CPED1: variants seen among roughly 807,000 people sequenced by gnomAD.
The protein encoded by CPED1 is cadherin-like and PC-esterase domain-containing protein 1.
A neutral mutation model predicts 128.2 loss-of-function variants in CPED1; 114 were observed. The ratio of observed to expected loss-of-function variants is 0.89; its 90% confidence interval spans 0.76 to 1.04. The LOEUF (loss-of-function observed/expected upper bound fraction) is 1.04, where lower values mean the gene tolerates loss of function less well. Among genes scored for constraint, CPED1 ranks in the 50% least tolerant of loss-of-function variants. The probability of loss-of-function intolerance (pLI) is 0.00; values close to 1 mark genes in which losing one functional copy is unlikely to be tolerated. For missense variants in CPED1, 1,211 were observed against 1,207.1 expected (o/e 1.00, Z -0.05); for synonymous variants, 462 against 426.7 (o/e 1.08, Z -1.02).
At position 121,015,733 on chromosome 7, in the gene CPED1, C is replaced by G. The variant is rs779741816; in HGVS notation, c.318C>G (p.Phe106Leu). ...GGGCCATACTCTACAGGCCTCCTTT[C>G]TACAGCAAAACAGAGCTTCAGCTAC... ...GRRAILYRPP[F>L]YSKTELQLHQ... The change falls in exon 3 of 23, where the codon TTC (phenylalanine) becomes TTG (leucine). Residue 106 changes from phenylalanine to leucine, a missense_variant. Phe to Leu is a conservative substitution (Grantham distance 22, BLOSUM62 0). Transcript: ENST00000310396. The G allele has an allele frequency of 2.2e-5, 36 of 1,611,888 alleles. No individual in the cohort carries two copies. The South Asian group carries it at 3.3e-4, about 15-fold the overall frequency.
chr7:121,143,507 C>G (rs1165210726), intron 16 of CPED1, among the ~76,000 whole-genome samples: 3 of 151,902 alleles, frequency 2.0e-5, no homozygotes. Flanking sequence ...TAGGTTTTGA[C>G]CTTTCAATTT....
In CPED1 at chr7:121,244,335, G is replaced by C. The variant is rs760961664; in HGVS notation, c.2307G>C (p.Arg769Ser). 4 of 1,614,120 alleles carry C rather than the reference G, an allele frequency of 2.5e-6. No individual in the cohort carries two copies. Among genetic ancestry groups the C allele is most frequent in the African/African-American group, 1.3e-5 (1 of 75,050 alleles). Residue 769 changes from arginine (R) to serine (S), a missense_variant, in exon 18 of 23, where the codon AGG becomes AGC. Physicochemically the swap from Arg to Ser is moderately radical, Grantham distance 110 (BLOSUM62 -1). Coordinates refer to ENST00000310396, the MANE Select transcript of CPED1 (RefSeq NM_024913.5). Reference sequence around the variant, plus strand: ...AACTCCAGCAGTGCCTGGGAGGAAGGAAGGTAGGTTCTGGATCTAGTGGGG... The same window carrying C: ...AACTCCAGCAGTGCCTGGGAGGAAGCAAGGTAGGTTCTGGATCTAGTGGGG... Reference protein sequence around the residue: ...KPQLQQCLGGRKILFIGDSTN... With the variant: ...KPQLQQCLGGSKILFIGDSTN...
intron 3 of CPED1, among the ~76,000 whole-genome samples, chr7:121,036,479 C>T (rs1792891147): frequency 6.9e-6 from 1 of 144,194 alleles, no homozygotes. Flanking sequence ...GGTAGTATTC[C>T]ATGGTGTGTG....
intron 16 of CPED1, among the ~76,000 whole-genome samples, chr7:121,215,916 G>A (rs978920485): frequency 6.6e-6 from 1 of 151,672 alleles, no homozygotes; most frequent in African/African-American, 2.4e-5. Context: ...GACAGTAATG[G>A]CAATAATAAT....
intron 5 of CPED1, among the ~76,000 whole-genome samples, chr7:121,088,811 C>T (rs1165141098): frequency 2.2e-5 from 2 of 92,382 alleles, no homozygotes; most frequent in Non-Finnish European, 4.6e-5. Context: ...GTAATAATCT[C>T]ATTAACATCT....
chr7:121,032,836 T>C (rs1362411922), intron 3 of CPED1, among the ~76,000 whole-genome samples: 1 of 152,188 alleles, frequency 6.6e-6, no homozygotes, highest in African/African-American at 2.4e-5. Flanking sequence ...GACAGAATTA[T>C]TAGCCTTAGG....
chr7:121,077,951 G>A (rs1047525117), intron 5 of CPED1, among the ~76,000 whole-genome samples: 1 of 151,716 alleles, frequency 6.6e-6, no homozygotes, highest in African/African-American at 2.4e-5. Context: ...TACCTTGCTC[G>A]GTTAGTTTTT....
intron 2 of CPED1, among the ~76,000 whole-genome samples, chr7:121,007,537 T>TA (rs1210152316): frequency 1.3e-5 from 2 of 152,170 alleles, no homozygotes; most frequent in African/African-American, 4.8e-5. Flanking sequence ...ACTAAGGCAT[T>TA]ACAGCATTTA....
At chr7:121,213,076 G>T (rs1797682257) in intron 16 of CPED1, among the ~76,000 whole-genome samples, 1 of 151,984 alleles carries the variant, frequency 6.6e-6, no homozygotes, top group South Asian at 2.1e-4. Context: ...TATGTTTAAA[G>T]ATGCCATCTG....
intron 5 of CPED1, chr7:121,076,483 T>C (rs10275526): frequency 0.46 from 70,181 of 151,980 alleles, 16,496 homozygotes; most frequent in East Asian, 0.61. Flanking sequence ...CCCTTTCTTA[T>C]GTGGTTGGTT....
chr7:121,254,953 G>T (rs12533196), intron 18 of CPED1, among the ~76,000 whole-genome samples: 72,383 of 150,974 alleles, frequency 0.48, 20,263 homozygotes, highest in East Asian at 0.87. Flanking sequence ...GACCCAGATG[G>T]ATTCACAGCC....
At chr7:121,191,015 T>C (rs561284294) in intron 16 of CPED1, among the ~76,000 whole-genome samples, 1 of 152,282 alleles carries the variant, frequency 6.6e-6, no homozygotes, top group South Asian at 2.1e-4. Context: ...TTGGCTGTTA[T>C]AGTATTGTTC....
At chr7:121,116,960 CTCTATA>C (rs1230912475) in intron 7 of CPED1, among the ~76,000 whole-genome samples, 12 of 82,284 alleles carry the variant, frequency 1.5e-4, no homozygotes, top group East Asian at 8.5e-4. Context: ...CTCTCTCTCT[CTCTATA>C]TATATATATA....
chr7:121,213,011 A>T (rs1534015), intron 16 of CPED1, among the ~76,000 whole-genome samples: 1 of 151,648 alleles, frequency 6.6e-6, no homozygotes, highest in Non-Finnish European at 1.5e-5. Flanking sequence ...ATTTATGTAC[A>T]TGCTGGCTTA....
chr7:121,249,267 T>C (rs1210271809), intron 18 of CPED1, among the ~76,000 whole-genome samples: 1 of 152,170 alleles, frequency 6.6e-6, no homozygotes, highest in Non-Finnish European at 1.5e-5. Context: ...ATATAGTTCA[T>C]GAAAATTTCC....
At position 121,266,318 on chromosome 7, in the gene CPED1, A is replaced by G. The variant is rs996774631; in HGVS notation, c.2402A>G (p.His801Arg). 12 of 1,613,114 alleles carry G rather than the reference A, an allele frequency of 7.4e-6. No individual in the cohort carries two copies. Among genetic ancestry groups the G allele is most frequent in the Non-Finnish European group, 9.3e-6 (11 of 1,179,418 alleles). ...NETLQEWQKV[H>R]GTKFYHNVNG... is the part of the protein sequence containing the mutation. ...ACGTTGCAGGAATGGCAGAAAGTAC[A>G]TGGCACTAAATTCTATCACAACGTC... Residue 801 changes from histidine (H) to arginine (R), a missense_variant, in exon 19 of 23, where the codon CAT (histidine) becomes CGT (arginine). Coordinates refer to ENST00000310396, the MANE Select transcript of CPED1 (RefSeq NM_024913.5).
intron 16 of CPED1, among the ~76,000 whole-genome samples, chr7:121,145,626 A>C (rs1284321928): frequency 1.3e-5 from 2 of 152,080 alleles, no homozygotes; most frequent in African/African-American, 4.8e-5. Flanking sequence ...AGCAGGGGTA[A>C]AATTTTCTCA....
intron 16 of CPED1, among the ~76,000 whole-genome samples, chr7:121,206,566 C>G (rs1272453325): frequency 6.6e-6 from 1 of 151,618 alleles, no homozygotes; most frequent in Non-Finnish European, 1.5e-5. Context: ...TAATCTTGCC[C>G]CAGACATCAC....
At chr7:121,286,700 G>T (rs977761320) in intron 22 of CPED1, among the ~76,000 whole-genome samples, 1 of 152,146 alleles carries the variant, frequency 6.6e-6, no homozygotes, top group Non-Finnish European at 1.5e-5. Context: ...GTTATCACTG[G>T]ATGACATGAG....
Sources: allele counts gnomAD v4.1 joint callset (sites outside exome capture counted in the v4.1 genomes callset), GRCh38; gene constraint gnomAD v4.1.1; transcripts MANE v1.5; gene names NCBI Gene and HGNC (gene_info 2026-07-23, HGNC 2026-07-21).